FBXO10: variants seen among roughly 807,000 people sequenced by gnomAD.
FBXO10 encodes F-box protein 10.
A neutral mutation model predicts 80.7 loss-of-function variants in FBXO10; 39 were observed. The ratio of observed to expected loss-of-function variants is 0.48; its 90% CI spans 0.37 to 0.63. The LOEUF (loss-of-function observed/expected upper bound fraction) is 0.63. Ranked by LOEUF, FBXO10 falls within the 30% of genes least tolerant of loss-of-function variation. The pLI is 0.00. For synonymous variants in FBXO10, 449 were observed against 489.6 expected (o/e 0.92, Z 1.09); for missense variants, 1,025 against 1,269.0 (o/e 0.81, Z 2.92).
chr9:37,518,893 C>G (rs1319174273), intron 8 of FBXO10, among the ~76,000 whole-genome samples: 1 of 147,828 alleles, frequency 6.8e-6, no homozygotes, highest in African/African-American at 2.5e-5. Context: ...ATCTGCCTCC[C>G]TACTGTTTGG....
At position 37,516,213 on chromosome 9, in the gene FBXO10, A is replaced by G. The variant is rs548514030; in HGVS notation, c.2515-128T>C. On this transcript the variant is annotated intron_variant, in intron 9 of 10. Transcript: ENST00000432825. ...TGCCAGGCAGGTCAGTGAAGAGCCT[A>G]TGAGCTCAAAGAAGGGCACCAAGAA... is the stretch of plus-strand genomic sequence containing the variant. The G allele has an allele frequency of 4.7e-6, 5 of 1,053,916 alleles. No individual in the cohort carries two copies. The East Asian group carries it at 8.0e-5, about 17-fold the overall frequency. The allele number at this position is 1,053,916 out of a possible 1,614,324, so 65.3% of individuals were successfully genotyped here. A position where few individuals can be genotyped will look rare whatever the true frequency, so the allele number is the denominator to read the frequency against.
At position 37,537,952 on chromosome 9, in the gene FBXO10, TGAAAAGAA is replaced by T; in HGVS notation, c.586-17_586-10del. 1 of 1,608,690 alleles carries T rather than the reference TGAAAAGAA, an allele frequency of 6.2e-7. No individual in the cohort carries two copies. Among genetic ancestry groups the T allele is most frequent in the South Asian group, 1.1e-5 (1 of 90,902 alleles). ...ACGTGACCTGATGTTGTCTGGGGAA[TGAAAAGAA>T]GAAAACGGCTGTAAGAGGGATGAGA... On this transcript the variant is annotated splice_polypyrimidine_tract_variant and intron_variant, in intron 2 of 10. Transcript: ENST00000432825.
In FBXO10 at chr9:37,512,050, C is replaced by T. The variant is rs1306696642; in HGVS notation, c.*497G>A. ...TCAAGTCAACCAAACTCAACTCCTC[C>T]AGCCTCCAGAGACAGCTGGGAGGGT... On this transcript the variant is annotated 3_prime_UTR_variant, in exon 11 of 11. Transcript: ENST00000432825. The T allele has an allele frequency of 6.6e-6, 1 of 152,448 alleles. No homozygotes were observed. The highest frequency in any genetic ancestry group is 6.6e-5 in the Admixed American group (1 of 15,264). The allele number at this position is 152,448 out of a possible 1,614,324, so 9.4% of individuals were successfully genotyped here.
At chr9:37,541,823 C>A (rs767496126) in intron 1 of FBXO10, 49 bp from the exon 2 acceptor site, 1 of 1,436,650 alleles carries the variant, frequency 7.0e-7, no homozygotes, top group Non-Finnish European at 9.4e-7. Flanking sequence ...TCCTACTTAC[C>A]AGTCCCCCTT....
At chr9:37,566,670 C>T (rs1399936233) in intron 1 of FBXO10, among the ~76,000 whole-genome samples, 1 of 152,164 alleles carries the variant, frequency 6.6e-6, no homozygotes, top group East Asian at 1.9e-4. Context: ...ATGTCCCTAG[C>T]TTTGTGGAGT....
intron 10 of FBXO10, among the ~76,000 whole-genome samples, 170 bp from the exon 11 acceptor site, chr9:37,512,891 AAC>A (rs1821098712): frequency 6.6e-6 from 1 of 152,288 alleles, no homozygotes; most frequent in South Asian, 2.1e-4. Flanking sequence ...GCTGTTGAGA[AAC>A]TAAGGAGCAA....
intron 1 of FBXO10, among the ~76,000 whole-genome samples, chr9:37,565,617 T>G (rs1822584812): frequency 6.6e-6 from 1 of 152,228 alleles, no homozygotes; most frequent in Non-Finnish European, 1.5e-5. Flanking sequence ...GGAACTGATG[T>G]GCACCCTAAA....
intron 2 of FBXO10, among the ~76,000 whole-genome samples, chr9:37,539,537 G>A (rs12349344): frequency 0.095 from 14,511 of 152,244 alleles, 1,983 homozygotes; most frequent in African/African-American, 0.3. Flanking sequence ...ACTTCTGAGG[G>A]AGAAGTAGAG....
intron 1 of FBXO10, among the ~76,000 whole-genome samples, chr9:37,574,985 C>T (rs1822856541): frequency 6.6e-6 from 1 of 152,222 alleles, no homozygotes; most frequent in Non-Finnish European, 1.5e-5. Flanking sequence ...ATCCTCTCCA[C>T]TACCCACTGC....
At chr9:37,561,519 G>T (rs1167231875) in intron 1 of FBXO10, among the ~76,000 whole-genome samples, 3 of 152,154 alleles carry the variant, frequency 2.0e-5, no homozygotes, top group African/African-American at 7.2e-5. Flanking sequence ...CAGGCTCTCT[G>T]CTGCTGCCTC....
chr9:37,515,850 C>A, intron 10 of FBXO10, 54 bp downstream of exon 10: 1 of 1,567,806 alleles, frequency 6.4e-7, no homozygotes, highest in Non-Finnish European at 8.7e-7. Flanking sequence ...CTGGCTTCTT[C>A]AGGGAGCTTA....
At chr9:37,528,634 G>A (rs1006141212) in intron 5 of FBXO10, among the ~76,000 whole-genome samples, 4 of 152,104 alleles carry the variant, frequency 2.6e-5, no homozygotes, top group African/African-American at 9.7e-5. Context: ...ATCACAGTCT[G>A]CCCCATACTA....
chr9:37,543,869 C>T (rs1821985480), intron 1 of FBXO10, among the ~76,000 whole-genome samples: 1 of 152,218 alleles, frequency 6.6e-6, no homozygotes, highest in South Asian at 2.1e-4. Flanking sequence ...GTGGCTCACG[C>T]CTGTAATCCC....
chr9:37,516,970 A>AC (rs1316449205), intron 9 of FBXO10, among the ~76,000 whole-genome samples: 12 of 151,550 alleles, frequency 7.9e-5, no homozygotes, highest in Non-Finnish European at 1.6e-4. Context: ...CAAAAAAAAA[A>AC]AAAACAAAAA....
intron 6 of FBXO10, among the ~76,000 whole-genome samples, chr9:37,523,711 C>T (rs1002498762): frequency 2.0e-5 from 3 of 152,138 alleles, no homozygotes; most frequent in Admixed American, 6.5e-5. Flanking sequence ...CACCTGAGGT[C>T]GGGAGTTCGA....
chr9:37,572,475 T>C (rs1369358141), intron 1 of FBXO10, among the ~76,000 whole-genome samples: 1 of 152,176 alleles, frequency 6.6e-6, no homozygotes, highest in Non-Finnish European at 1.5e-5. Flanking sequence ...AGCCATACCA[T>C]GAAACACTGT....
chr9:37,539,342 G>A (rs1373103818), intron 2 of FBXO10, among the ~76,000 whole-genome samples: 2 of 152,222 alleles, frequency 1.3e-5, no homozygotes, highest in Non-Finnish European at 1.5e-5. Flanking sequence ...GAAAACTGCT[G>A]TGAAATCGCC....
At chr9:37,542,317 C>A (rs1480564407) in intron 1 of FBXO10, among the ~76,000 whole-genome samples, 1 of 151,890 alleles carries the variant, frequency 6.6e-6, no homozygotes, top group East Asian at 1.9e-4. Context: ...GACTCCAGGC[C>A]GGGCGCAATG....
chr9:37,563,997 C>T (rs1201792222), intron 1 of FBXO10, among the ~76,000 whole-genome samples: 7 of 152,120 alleles, frequency 4.6e-5, no homozygotes, highest in African/African-American at 1.7e-4. Context: ...ATCACAGGCC[C>T]AAGGCCTAGG....
Sources: gnomAD v4.1 joint callset for allele counts (sites outside exome capture counted in the v4.1 genomes callset) on GRCh38, gnomAD v4.1.1 for gene constraint, MANE v1.5 for transcripts, NCBI Gene and HGNC (gene_info 2026-07-23, HGNC 2026-07-21) for gene names.